SPINK5: variants seen among roughly 807,000 people sequenced by gnomAD.
SPINK5 encodes serine protease inhibitor Kazal-type 5.
A neutral mutation model predicts 151.8 loss-of-function variants in SPINK5; 125 were observed. The ratio of observed to expected loss-of-function variants is 0.82; its 90% CI spans 0.71 to 0.96. The LOEUF is 0.96. SPINK5 is among the 40% of genes least tolerant of loss of function. SPINK5 has a pLI of 0.00. For synonymous variants in SPINK5, 374 were observed against 395.3 expected, an observed-to-expected ratio of 0.95 and a Z score of 0.64; for missense variants, 1,194 against 1,291.9, an observed-to-expected ratio of 0.92 and a Z score of 1.16.
chr5:148,124,924 A>ATATT, intron 28 of SPINK5, 87 bp downstream of exon 28: 2 of 1,356,516 alleles, frequency 1.5e-6, no homozygotes, highest in Non-Finnish European at 1.9e-6. Context: ...AATAATAAAT[A>ATATT]TATTAATATC....
Position 148,111,847 on chromosome 5 carries a change from T to C in SPINK5, c.1772T>C (p.Leu591Pro), listed in dbSNP as rs775502935. Residue 591 changes from leucine to proline, a missense_variant, in exon 19 of 33, where the codon CTA becomes CCA. Leu to Pro is a moderately conservative substitution (Grantham distance 98, BLOSUM62 -3). Transcript: ENST00000256084. ...AGAGAGAATGATCCTATTGAGGGTC[T>C]AGATGGGAAAATCCACGGCAACACC... ...CTRENDPIEG[L>P]DGKIHGNTCS... 1.9e-6 allele frequency: 3 copies of C among 1,613,994 alleles called. 1 individual carries two copies. The highest frequency in any genetic ancestry group is 2.2e-5 in the East Asian group (1 of 44,864).
intron 4 of SPINK5, among the ~76,000 whole-genome samples, chr5:148,076,040 G>T (rs1055107515): frequency 6.7e-6 from 1 of 149,894 alleles, no homozygotes; most frequent in Admixed American, 6.6e-5. Context: ...CAAGAGATTC[G>T]CAAACTCCTA....
rs374390864 is a variant in SPINK5, at chr5:148,133,438, C to T, written c.3096-359C>T. On this transcript the variant is annotated intron_variant, in intron 31 of 32. Transcript: ENST00000256084. ...TGTCTTGTTATATTTTTCCCCAGGT[C>T]GTATTATTGGTACTCAATATAGTCA... Among the ~76,000 whole-genome samples the T allele has an allele frequency of 1.5e-4, 23 of 152,222 alleles. No homozygotes were observed. The East Asian group carries it at 3.5e-3, about 23-fold the overall frequency.
rs777875377 is a variant in SPINK5, at chr5:148,119,958, C to A, written c.2314-51C>A. ...AAATCCTCTGATTCTCAAATCCAAT[C>A]AAATATTATGTAAAAACAGCACTTC... On this transcript the variant is annotated intron_variant, in intron 24 of 32. Transcript: ENST00000256084. 21 of 1,603,354 alleles carry A rather than the reference C, an allele frequency of 1.3e-5. No individual in the cohort carries two copies. The South Asian group carries it at 1.7e-4, about 13-fold the overall frequency.
At position 148,100,552 on chromosome 5, in the gene SPINK5, C is replaced by T. The variant is rs369599875; in HGVS notation, c.1191C>T (p.Gly397=). The change falls in exon 13 of 33, where the codon GGC becomes GGT. Residue 397 remains glycine (G), a synonymous_variant. Transcript: ENST00000256084. ...AGGGCCCAGATGGGAAAGTGCATGG[C>T]AACACCTGCTCCATGTGTGAGGTCT... ...PIQGPDGKVH[G]NTCSMCEVFF... 6.2e-7 allele frequency: 1 copy of T among 1,613,082 alleles called. No homozygotes were observed. The highest frequency in any genetic ancestry group is 8.5e-7 in the Non-Finnish European group (1 of 1,179,404).
chr5:148,131,027 C>T lies in SPINK5; in HGVS notation c.2965-232C>T, dbSNP rs561908177. On this transcript the variant is annotated intron_variant, in intron 30 of 32. Transcript: ENST00000256084. The stretch of plus-strand genomic sequence containing the variant: ...GGATATTTGCTTTCTTATTGCTTTG[C>T]TACTCCTTGTTTCTTTGTTTACTTA... Among the ~76,000 whole-genome samples, 4 of 152,254 alleles carry T rather than the reference C, an allele frequency of 2.6e-5. No individual in the cohort carries two copies. The South Asian group carries it at 8.3e-4, about 32-fold the overall frequency.
In SPINK5 at chr5:148,065,388, T is replaced by C; in HGVS notation, c.81+16T>C. The C allele has an allele frequency of 6.2e-7, 1 of 1,613,452 alleles. No homozygotes were observed. Among genetic ancestry groups the C allele is most frequent in the East Asian group, 2.2e-5 (1 of 44,826 alleles). Reference sequence around the variant, plus strand: ...TGAAGATCAGGTTAGTCCTGCTTTTTCTGTTCATTGAATTCATTCCAAGAT... The same window carrying C: ...TGAAGATCAGGTTAGTCCTGCTTTTCCTGTTCATTGAATTCATTCCAAGAT... On this transcript the variant is annotated intron_variant, in intron 2 of 32. Transcript: ENST00000256084.
rs761739556 is a variant in SPINK5, at chr5:148,137,187, G to A, written c.*196G>A. On this transcript the variant is annotated 3_prime_UTR_variant, in exon 33 of 33. Transcript: ENST00000256084. Reference sequence around the variant, plus strand: ...TCCTCCTAGACTCTGTGATCTGAGGGTATAAAGACATCTCCACCAAGTCTG... The same window carrying A: ...TCCTCCTAGACTCTGTGATCTGAGGATATAAAGACATCTCCACCAAGTCTG... 2 of 690,998 alleles carry A rather than the reference G, an allele frequency of 2.9e-6. No homozygotes were observed. Among genetic ancestry groups the A allele is most frequent in the South Asian group, 1.9e-5 (1 of 53,982 alleles). 42.8% of individuals were successfully genotyped at this position (690,998 alleles called of 1,614,324 possible).
At chr5:148,084,968 A>T (rs1216322519) in intron 4 of SPINK5, among the ~76,000 whole-genome samples, 2 of 150,976 alleles carry the variant, frequency 1.3e-5, no homozygotes, top group Non-Finnish European at 1.5e-5. Flanking sequence ...TATGTATTCC[A>T]TTTTTTTCTC....
intron 4 of SPINK5, among the ~76,000 whole-genome samples, chr5:148,081,084 C>A (rs989882198): frequency 2.6e-5 from 4 of 151,544 alleles, no homozygotes; most frequent in Non-Finnish European, 5.9e-5. Context: ...ACTACACGTA[C>A]CCACTAGAAT....
In SPINK5 at chr5:148,128,615, G is replaced by A. The variant is rs574842211; in HGVS notation, c.2964+1536G>A. Among the ~76,000 whole-genome samples, 7 of 152,132 alleles carry A rather than the reference G, an allele frequency of 4.6e-5. No homozygotes were observed. In the East Asian group the frequency reaches 9.7e-4, roughly 21 times the overall value. ...GCGATCTCGGCTCACTGCAAGCTCC[G>A]CCTCCGCAGTTCACGCCATTCTCCT... is the stretch of plus-strand genomic sequence containing the variant. On this transcript the variant is annotated intron_variant, in intron 30 of 32. Transcript: ENST00000256084.
chr5:148,126,280 T>G (rs999520482), intron 29 of SPINK5, among the ~76,000 whole-genome samples: 12 of 151,488 alleles, frequency 7.9e-5, no homozygotes, highest in Admixed American at 4.6e-4. Context: ...AAAAAGCAAA[T>G]AGAAATGGAG....
chr5:148,082,619 T>C (rs1382820048), intron 4 of SPINK5, among the ~76,000 whole-genome samples: 1 of 44,542 alleles, frequency 2.2e-5, no homozygotes, highest in Non-Finnish European at 3.7e-5. Context: ...TTTTTTTTTT[T>C]TTTTTTTTTG....
chr5:148,112,945 T>C lies in SPINK5; in HGVS notation c.1887+11T>C, dbSNP rs1753982330. 9.3e-6 allele frequency: 15 copies of C among 1,613,494 alleles called. No individual in the cohort carries two copies. Among genetic ancestry groups the C allele is most frequent in the Non-Finnish European group, 1.3e-5 (15 of 1,179,704 alleles). On this transcript the variant is annotated intron_variant, in intron 20 of 32. Transcript: ENST00000256084. ...AGAGAAGCTGAAAAGGTAGTAATCC[T>C]GAATGTTTATACTGCAATGAAAGGA... is the stretch of plus-strand genomic sequence containing the variant.
chr5:148,074,588 G>A (rs1349439504), intron 4 of SPINK5, among the ~76,000 whole-genome samples: 1 of 151,660 alleles, frequency 6.6e-6, no homozygotes, highest in East Asian at 2.0e-4. Flanking sequence ...AGTTCATGTT[G>A]TTAAAGGTTG....
At chr5:148,136,179 A>C (rs1754689987) in intron 32 of SPINK5, among the ~76,000 whole-genome samples, 1 of 152,190 alleles carries the variant, frequency 6.6e-6, no homozygotes, top group Admixed American at 6.5e-5. Flanking sequence ...CATTATCTCA[A>C]TTAAAAGATG....
In SPINK5 at chr5:148,108,735, CTTCTTT is replaced by C. The variant is rs1372077596; in HGVS notation, c.1608-13_1608-8del. 6.2e-7 allele frequency: 1 copy of C among 1,608,368 alleles called. No individual in the cohort carries two copies. The highest frequency in any genetic ancestry group is 1.3e-5 in the African/African-American group (1 of 74,692). On this transcript the variant is annotated splice_polypyrimidine_tract_variant and intron_variant, in intron 17 of 32. Transcript: ENST00000256084. ...GTAGGGAATCATATTCAGCCTATAT[CTTCTTT>C]TTCTATTACAGCAAACTTGAAGAAG...
intron 23 of SPINK5, among the ~76,000 whole-genome samples, 191 bp downstream of exon 23, chr5:148,118,755 A>G (rs1449141834): frequency 6.6e-6 from 1 of 152,072 alleles, no homozygotes; most frequent in Non-Finnish European, 1.5e-5. Context: ...CAAGTGGCTG[A>G]TTTCTATTGT....
intron 4 of SPINK5, among the ~76,000 whole-genome samples, chr5:148,080,439 T>G (rs1702878891): frequency 6.6e-6 from 1 of 151,316 alleles, no homozygotes; most frequent in South Asian, 2.1e-4. Context: ...AGTAACTGAA[T>G]TTAAATTTTG....
Sources: allele counts gnomAD v4.1 joint callset (sites outside exome capture counted in the v4.1 genomes callset), GRCh38; gene constraint gnomAD v4.1.1; transcripts MANE v1.5; gene names NCBI Gene and HGNC (gene_info 2026-07-23, HGNC 2026-07-21).